Variants in TMEM131L observed in about 807,000 individuals in gnomAD.
The protein encoded by TMEM131L is transmembrane protein 131-like.
Under a neutral mutation model 192.2 loss-of-function variants are expected in TMEM131L, and 54 were observed. The observed-to-expected ratio is 0.28, with a 90% CI of 0.23 to 0.35. The LOEUF (loss-of-function observed/expected upper bound fraction) is 0.35. TMEM131L is among the 10% of genes least tolerant of loss of function. The pLI, the probability that TMEM131L is intolerant of heterozygous loss-of-function variation, is 1.00. For synonymous variants in TMEM131L, 701 were observed against 704.9 expected (o/e 0.99, Z 0.09); for missense variants, 1,888 against 1,972.9 (o/e 0.96, Z 0.82).
At chr4:153,481,252 G>A in intron 3 of TMEM131L, among the ~76,000 whole-genome samples, 1 of 152,042 alleles carries the variant, frequency 6.6e-6, no homozygotes, top group Non-Finnish European at 1.5e-5. Flanking sequence ...TCCTCTGTTT[G>A]GAAATTACCT....
chr4:153,636,466 G>A lies in TMEM131L; in HGVS notation c.4723G>A (p.Gly1575Arg). The A allele has an allele frequency of 1.2e-6, 2 of 1,614,120 alleles. No homozygotes were observed. Among genetic ancestry groups the A allele is most frequent in the South Asian group, 2.2e-5 (2 of 91,080 alleles). The change falls in exon 35 of 35, where the codon GGG becomes AGG. Residue 1575 changes from glycine to arginine, a missense_variant. Gly to Arg is a moderately radical substitution (Grantham distance 125). Transcript: ENST00000409959. ...QAVVCKEYYP[G>R]FNPFRAYMNL... ...GGTCGTGTGCAAGGAATACTACCCG[G>A]GGTTCAACCCGTTTCGCGCCTATAT...
At chr4:153,525,635 C>T (rs1735415614) in intron 3 of TMEM131L, among the ~76,000 whole-genome samples, 1 of 152,172 alleles carries the variant, frequency 6.6e-6, no homozygotes, top group African/African-American at 2.4e-5. Context: ...CCACCGTGCC[C>T]AGCCCTTTTT....
chr4:153,500,759 G>T (rs2149987721), intron 3 of TMEM131L, among the ~76,000 whole-genome samples: 1 of 152,174 alleles, frequency 6.6e-6, no homozygotes, highest in African/African-American at 2.4e-5. Context: ...GGATGATTTA[G>T]AACTATCTTA....
intron 26 of TMEM131L, among the ~76,000 whole-genome samples, chr4:153,615,851 G>A (rs771451502): frequency 3.3e-5 from 5 of 152,124 alleles, no homozygotes; most frequent in Admixed American, 1.3e-4. Context: ...CACATGCATG[G>A]GTGCCATCGC....
At chr4:153,561,821 C>G (rs570326956) in intron 7 of TMEM131L, among the ~76,000 whole-genome samples, 1 of 152,148 alleles carries the variant, frequency 6.6e-6, no homozygotes, top group Admixed American at 6.5e-5. Context: ...ATTGAGTGTT[C>G]CAGTAAATGA....
chr4:153,550,088 A>G lies in TMEM131L; in HGVS notation c.255A>G (p.Leu85=), dbSNP rs970332632. The G allele has an allele frequency of 4.0e-6, 6 of 1,491,102 alleles. No individual in the cohort carries two copies. Among genetic ancestry groups the G allele is most frequent in the Non-Finnish European group, 5.4e-6 (6 of 1,110,692 alleles). 92.4% of individuals were successfully genotyped at this position (1,491,102 alleles called of 1,614,324 possible). A position where few individuals can be genotyped will look rare whatever the true frequency, so the allele number is the denominator to read the frequency against. Residue 85 remains leucine (L), a synonymous_variant, in exon 4 of 35, where the codon CTA becomes CTG. Transcript: ENST00000409959. ...PSQEQSFSDK[L]FSGKGLHFQP... ...CTTTTTTTAGCTTCTCGGACAAACT[A>G]TTTAGTGGAAAAGGCTTACATTTTC... is the stretch of plus-strand genomic sequence containing the variant.
At chr4:153,514,879 C>T (rs916258691) in intron 3 of TMEM131L, among the ~76,000 whole-genome samples, 3 of 151,834 alleles carry the variant, frequency 2.0e-5, no homozygotes, top group Non-Finnish European at 4.4e-5. Context: ...GTGACGCAAT[C>T]GTGGCTCACT....
At chr4:153,591,283 C>T in intron 17 of TMEM131L, 89 bp downstream of exon 17, 1 of 1,304,496 alleles carries the variant, frequency 7.7e-7, no homozygotes, top group Non-Finnish European at 1.0e-6. Flanking sequence ...CCTTTAGCTA[C>T]CATTTCAAAG....
intron 7 of TMEM131L, among the ~76,000 whole-genome samples, chr4:153,579,404 T>C (rs966809763): frequency 3.3e-5 from 5 of 152,236 alleles, no homozygotes; most frequent in African/African-American, 1.2e-4. Flanking sequence ...TTAAGAATAC[T>C]AGCAGATATG....
At chr4:153,532,449 A>G (rs549315197) in intron 3 of TMEM131L, among the ~76,000 whole-genome samples, 4 of 151,418 alleles carry the variant, frequency 2.6e-5, no homozygotes, top group Non-Finnish European at 5.9e-5. Flanking sequence ...TTTTTTTTAA[A>G]AAAAAAAAAA....
chr4:153,472,825 T>G (rs1301483047), intron 2 of TMEM131L, among the ~76,000 whole-genome samples: 1 of 152,210 alleles, frequency 6.6e-6, no homozygotes, highest in East Asian at 1.9e-4. Context: ...TACATGCTTT[T>G]GTCCCTGCCC....
intron 7 of TMEM131L, among the ~76,000 whole-genome samples, chr4:153,561,336 C>G (rs553556430): frequency 6.6e-6 from 1 of 152,222 alleles, no homozygotes; most frequent in East Asian, 1.9e-4. Flanking sequence ...GTTGTCTTTT[C>G]ATTTTCTTGA....
intron 3 of TMEM131L, among the ~76,000 whole-genome samples, chr4:153,484,592 C>T (rs559214690): frequency 6.6e-6 from 1 of 150,832 alleles, no homozygotes; most frequent in African/African-American, 2.4e-5. Context: ...CCTCAGCCTC[C>T]CGAGTAGCTG....
chr4:153,477,621 G>A (rs1731639302), intron 3 of TMEM131L, among the ~76,000 whole-genome samples: 2 of 152,096 alleles, frequency 1.3e-5, no homozygotes. Flanking sequence ...TTTACATCAT[G>A]CCTGTGTACT....
rs574328527 is a variant in TMEM131L, at chr4:153,578,270, C to A, written c.661-2556C>A. On this transcript the variant is annotated intron_variant, in intron 7 of 34. Coordinates refer to ENST00000409959, the MANE Select transcript of TMEM131L (RefSeq NM_001131007.2). ...ACTCAGGAGGCTGAGGTGGGAGGAT[C>A]GCTTGAGGCCAGGAGTTTGAGGCTG... 8.5e-4 allele frequency among the ~76,000 whole-genome samples: 129 copies of A among 152,188 alleles called. No homozygotes were observed. In the South Asian group the frequency reaches 0.01, roughly 12 times the overall value.
chr4:153,547,703 C>G (rs1189866891), intron 3 of TMEM131L, among the ~76,000 whole-genome samples: 1 of 152,230 alleles, frequency 6.6e-6, no homozygotes, highest in Non-Finnish European at 1.5e-5. Context: ...CTCTGCTTCC[C>G]AAGCCGTCAT....
At position 153,467,216 on chromosome 4, in the gene TMEM131L, G is replaced by T; in HGVS notation, c.130G>T (p.Glu44Ter). The change falls in exon 2 of 35, where the codon GAG becomes TAG. Residue 44 changes from glutamate (E) to a stop codon, truncating the protein, a stop_gained. Transcript: ENST00000409959. LOFTEE classifies it high-confidence loss of function. ...RPGGAQGQAIEPLPNVVELWQ... is the reference protein window; with the variant it reads ...RPGGAQGQAI ...ATTTTTTGGTGTTCCTGCAGCGATT[G>T]AGCCGTTGCCGAACGTGGTGGAGCT... is the stretch of plus-strand genomic sequence containing the variant. 6.4e-7 allele frequency: 1 copy of T among 1,551,714 alleles called. No individual in the cohort carries two copies. Among genetic ancestry groups the T allele is most frequent in the Non-Finnish European group, 8.7e-7 (1 of 1,146,964 alleles).
At chr4:153,574,263 C>G (rs1377874107) in intron 7 of TMEM131L, among the ~76,000 whole-genome samples, 2 of 152,098 alleles carry the variant, frequency 1.3e-5, no homozygotes, top group African/African-American at 2.4e-5. Flanking sequence ...GTGGGTCTGG[C>G]AGTATAGTTA....
At chr4:153,613,227 A>G (rs1732756227) in intron 26 of TMEM131L, among the ~76,000 whole-genome samples, 1 of 152,238 alleles carries the variant, frequency 6.6e-6, no homozygotes, top group African/African-American at 2.4e-5. Flanking sequence ...AAACACGCAG[A>G]TGGAAGAAGG....
Sources: gnomAD v4.1 joint callset for allele counts (sites outside exome capture counted in the v4.1 genomes callset) on GRCh38, gnomAD v4.1.1 for gene constraint, MANE v1.5 for transcripts, NCBI Gene and HGNC (gene_info 2026-07-23, HGNC 2026-07-21) for gene names.